LRCH2: variants seen among roughly 807,000 people sequenced by gnomAD.
LRCH2 encodes leucine rich repeats and calponin homology domain containing 2, also known as leucine-rich repeat and calponin homology domain-containing protein 2.
LRCH2 carries 38 observed loss-of-function variants against 68.9 expected under a neutral mutation model. The ratio of observed to expected loss-of-function variants is 0.55; its 90% confidence interval spans 0.43 to 0.72. LRCH2 has a LOEUF of 0.72. LRCH2 is among the 30% of genes least tolerant of loss of function. The pLI is 0.00. For missense variants in LRCH2, 528 were observed against 572.9 expected (o/e 0.92, Z 0.80); for synonymous variants, 191 against 208.1 (o/e 0.92, Z 0.71).
chrX:115,182,695 C>T (rs1210563371), intron 3 of LRCH2, among the ~76,000 whole-genome samples: 2 of 108,283 alleles, frequency 1.8e-5, no homozygotes, highest in African/African-American at 6.7e-5. Flanking sequence ...TAGCCGGGCG[C>T]GGTGGCAGGT....
Position 115,185,840 on chromosome X carries a change from A to G in LRCH2, c.495-1303T>C, listed in dbSNP as rs782104193. On this transcript the variant is annotated intron_variant, in intron 2 of 20. Coordinates refer to ENST00000317135, the MANE Select transcript of LRCH2 (RefSeq NM_020871.4). ...AAGCAGGCTCCTTGGAAAAATGGTC[A>G]GTCTGGGTCCCTTCATACCAGGGCA... Among the ~76,000 whole-genome samples the G allele has an allele frequency of 2.7e-5, 3 of 111,854 alleles. No individual in the cohort carries two copies. The South Asian group carries it at 1.1e-3, about 42-fold the overall frequency.
At chrX:115,159,077 T>C (rs1269135082) in intron 11 of LRCH2, among the ~76,000 whole-genome samples, 1 of 111,577 alleles carries the variant, frequency 9.0e-6, no homozygotes, top group East Asian at 2.8e-4. Context: ...CTCAGTTCCT[T>C]CCTTGATTTT....
At chrX:115,177,534 C>T (rs1260797592) in intron 5 of LRCH2, among the ~76,000 whole-genome samples, 1 of 111,926 alleles carries the variant, frequency 8.9e-6, no homozygotes, top group Non-Finnish European at 1.9e-5. Flanking sequence ...TATGCGGTCT[C>T]GCTCTTGCTA....
chrX:115,213,846 A>G (rs986841653), intron 1 of LRCH2, among the ~76,000 whole-genome samples: 12 of 111,852 alleles, frequency 1.1e-4, no homozygotes, highest in African/African-American at 3.9e-4. Flanking sequence ...CTTAATTCCT[A>G]TTTCAGAGCT....
chrX:115,228,517 T>C (rs1276664987), intron 1 of LRCH2, among the ~76,000 whole-genome samples: 1 of 111,133 alleles, frequency 9.0e-6, no homozygotes, highest in Non-Finnish European at 1.9e-5. Flanking sequence ...ACTGTGTGCC[T>C]AGGAACTTAA....
chrX:115,148,458 T>C lies in LRCH2; in HGVS notation c.1695+1369A>G, dbSNP rs1206547087. On this transcript the variant is annotated intron_variant, in intron 14 of 20. Coordinates refer to ENST00000317135, the MANE Select transcript of LRCH2 (RefSeq NM_020871.4). ...TTGTTATACTACGATATTGGTAGTA[T>C]ACTAAGAATTTGTATTGTTATACTA... 2.7e-5 allele frequency among the ~76,000 whole-genome samples: 3 copies of C among 111,845 alleles called. No homozygotes were observed. The Admixed American group carries it at 2.9e-4, about 11-fold the overall frequency.
chrX:115,165,629 G>C lies in LRCH2; in HGVS notation c.1225C>G (p.Pro409Ala). ...KDQEVYDFVDPNTEDVAVPEQ... is the reference protein window; with the variant it reads ...KDQEVYDFVDANTEDVAVPEQ... ...GGAACTGCTACATCTTCTGTGTTGG[G>C]GTCAACAAAATCATATACCTCCTGG... The change falls in exon 9 of 21, where the codon CCC becomes GCC. Residue 409 changes from proline (P) to alanine (A), a missense_variant. Transcript: ENST00000317135. 4.3e-6 allele frequency: 5 copies of C among 1,163,169 alleles called. No individual in the cohort carries two copies. The South Asian group carries it at 7.7e-5, about 18-fold the overall frequency.
intron 16 of LRCH2, chrX:115,126,492 T>C (rs782647746): frequency 1.6e-4 from 20 of 125,492 alleles, no homozygotes; most frequent in Non-Finnish European, 3.0e-4. Context: ...TTAAAATCTA[T>C]CATTTATTTT....
chrX:115,152,185 T>C (rs1603042697), intron 12 of LRCH2, among the ~76,000 whole-genome samples: 1 of 111,670 alleles, frequency 9.0e-6, no homozygotes, highest in African/African-American at 3.3e-5. Context: ...GAGAAATGTC[T>C]TGCCTCATTA....
At chrX:115,220,970 G>A (rs782662248) in intron 1 of LRCH2, among the ~76,000 whole-genome samples, 124 of 107,687 alleles carry the variant, frequency 1.2e-3, no homozygotes, top group Non-Finnish European at 1.6e-3. Flanking sequence ...GGTGGATCAC[G>A]AGGTCAGGAG....
chrX:115,218,915 C>T (rs2073060053), intron 1 of LRCH2, among the ~76,000 whole-genome samples: 1 of 112,224 alleles, frequency 8.9e-6, no homozygotes, highest in Non-Finnish European at 1.9e-5. Flanking sequence ...CACCAAGAAC[C>T]TGGACACCCT....
Position 115,153,773 on chromosome X carries a change from A to G in LRCH2, c.1529+2829T>C, listed in dbSNP as rs955050481. Among the ~76,000 whole-genome samples the G allele has an allele frequency of 1.5e-4, 17 of 111,320 alleles. No individual in the cohort carries two copies. In the Admixed American group the frequency reaches 1.5e-3, roughly 10 times the overall value. On this transcript the variant is annotated intron_variant, in intron 12 of 20. Transcript: ENST00000317135. ...CTAAAAAAACCATTAACATAACAAA[A>G]AGTTACAGCAAATAAGCCCACAAAG...
intron 3 of LRCH2, among the ~76,000 whole-genome samples, chrX:115,182,333 T>C (rs2072698279): frequency 9.0e-6 from 1 of 111,072 alleles, no homozygotes; most frequent in Admixed American, 9.5e-5. Flanking sequence ...GGAAAAACAT[T>C]AATAGTGTTC....
At chrX:115,190,817 C>T in intron 1 of LRCH2, 2 of 1,152,162 alleles carry the variant, frequency 1.7e-6, no homozygotes, top group Non-Finnish European at 2.3e-6. Flanking sequence ...CATGACAGTT[C>T]CAGCTGGAGC....
intron 1 of LRCH2, chrX:115,190,428 C>T (rs1207892597): frequency 1.0e-5 from 12 of 1,164,230 alleles, no homozygotes; most frequent in East Asian, 9.8e-5. Context: ...GATGCCGCTA[C>T]GAGGAGTACC....
intron 4 of LRCH2, 31 bp downstream of exon 4, chrX:115,179,615 T>A: frequency 9.1e-7 from 1 of 1,101,420 alleles, no homozygotes; most frequent in Non-Finnish European, 1.2e-6. Flanking sequence ...TACTCTCTTA[T>A]TCATGTGAGT....
intron 1 of LRCH2, among the ~76,000 whole-genome samples, chrX:115,197,755 TTCTCTC>T (rs782244834): frequency 1.6e-5 from 1 of 61,947 alleles, no homozygotes; most frequent in Non-Finnish European, 3.2e-5. Flanking sequence ...CTCTCTCTCT[TTCTCTC>T]TCTCTCTCTC....
intron 12 of LRCH2, among the ~76,000 whole-genome samples, chrX:115,152,874 C>T (rs2072443422): frequency 9.0e-6 from 1 of 110,948 alleles, no homozygotes; most frequent in East Asian, 2.8e-4. Context: ...AAAAAGGACA[C>T]ATTAGGCAAA....
intron 1 of LRCH2, among the ~76,000 whole-genome samples, chrX:115,220,310 TAGA>T (rs1389314259): frequency 8.9e-6 from 1 of 112,311 alleles, no homozygotes; most frequent in Non-Finnish European, 1.9e-5. Context: ...AAGAACAATG[TAGA>T]AGAAGAGTAT....
Sources: allele counts gnomAD v4.1 joint callset (sites outside exome capture counted in the v4.1 genomes callset), GRCh38; gene constraint gnomAD v4.1.1; transcripts MANE v1.5; gene names NCBI Gene and HGNC (gene_info 2026-07-23, HGNC 2026-07-21).